Variants in CENPI observed in about 807,000 individuals in gnomAD.
CENPI encodes the protein FSH primary response 1.
A neutral mutation model predicts 60.4 loss-of-function variants in CENPI; 4 were observed. That is an observed-to-expected ratio of 0.07 (90% CI 0.03 to 0.15). CENPI has a LOEUF of 0.15. CENPI is among the 10% of genes least tolerant of loss of function. The probability of loss-of-function intolerance (pLI) is 1.00; values close to 1 mark genes in which losing one functional copy is unlikely to be tolerated. For synonymous variants in CENPI, 157 were observed against 189.4 expected (o/e 0.83, Z 1.40); for missense variants, 444 against 534.5 (o/e 0.83, Z 1.67).
downstream of CENPI, among the ~76,000 whole-genome samples, chrX:101,170,555 A>G (rs141516833): frequency 3.6e-4 from 40 of 112,382 alleles, no homozygotes; most frequent in East Asian, 0.011. Flanking sequence ...AAATGCAAAT[A>G]TATCCTATAT....
chrX:101,117,774 G>A (rs181201962), intron 6 of CENPI, among the ~76,000 whole-genome samples: 5 of 111,913 alleles, frequency 4.5e-5, no homozygotes, highest in East Asian at 5.6e-4. Flanking sequence ...TATTAAAGTC[G>A]TAAGTTCAAA....
In CENPI at chrX:101,104,263, T is replaced by C. The variant is rs186122534; in HGVS notation, c.364+1852T>C. ...TGCTAGGATTACAGGCGTGAGCCAG[T>C]GTGCCCAGCTAAGATGCTTTTTCTT... On this transcript the variant is annotated intron_variant, in intron 4 of 21. Transcript: ENST00000682095. Among the ~76,000 whole-genome samples the C allele has an allele frequency of 2.0e-3, 227 of 113,035 alleles. 1 individual carries two copies. Among genetic ancestry groups the C allele is most frequent in the African/African-American group, 6.9e-3 (217 of 31,234 alleles).
At chrX:101,105,960 A>G (rs1255783882) in intron 4 of CENPI, among the ~76,000 whole-genome samples, 2 of 109,891 alleles carry the variant, frequency 1.8e-5, no homozygotes, top group African/African-American at 6.6e-5. Flanking sequence ...CTTTTATTAT[A>G]GTTATTTCTG....
rs778357224 is a variant in CENPI, at chrX:101,127,127, C to A, written c.778-11C>A. The stretch of plus-strand genomic sequence containing the variant: ...TACCTACTCTCTTGTACTTTATATC[C>A]AAATTTATAGATATATTTTAAGAAT... On this transcript the variant is annotated splice_polypyrimidine_tract_variant and intron_variant, in intron 9 of 21. Transcript: ENST00000682095. The A allele has an allele frequency of 2.3e-5, 27 of 1,149,512 alleles. No homozygotes were observed. The South Asian group carries it at 5.8e-4, about 25-fold the overall frequency. The allele number at this position is 1,149,512 out of a possible 1,213,427, so 94.7% of individuals were successfully genotyped here. A position where few individuals can be genotyped will look rare whatever the true frequency, so the allele number is the denominator to read the frequency against.
chrX:101,123,376 A>G (rs914526633), intron 8 of CENPI, among the ~76,000 whole-genome samples: 1 of 110,897 alleles, frequency 9.0e-6, no homozygotes, highest in Non-Finnish European at 1.9e-5. Context: ...GCATTTTCCT[A>G]CATACACTAG....
chrX:101,177,264 G>T, the CENPI span, among the ~76,000 whole-genome samples: 14 of 111,596 alleles, frequency 1.3e-4, no homozygotes, highest in Non-Finnish European at 2.3e-4. Flanking sequence ...TGGTATTTAT[G>T]ATGGCTGTAA....
At chrX:101,162,244 G>A (rs2148268921) in intron 21 of CENPI, among the ~76,000 whole-genome samples, 1 of 108,916 alleles carries the variant, frequency 9.2e-6, no homozygotes, top group African/African-American at 3.3e-5. Flanking sequence ...CCGGAGGCCT[G>A]GAATTTGAGA....
the CENPI span, among the ~76,000 whole-genome samples, chrX:101,178,398 CTT>C: frequency 0.069 from 2,735 of 39,898 alleles, 185 homozygotes; most frequent in African/African-American, 0.21. Flanking sequence ...TTTTCTTCTT[CTT>C]TTTTTTTTTT....
intron 8 of CENPI, 94 bp downstream of exon 8, chrX:101,120,878 T>C (rs917056852): frequency 2.4e-4 from 69 of 285,101 alleles, no homozygotes; most frequent in African/African-American, 1.6e-3. Flanking sequence ...CTCTTGATCT[T>C]TTTTTTTTTT....
intron 4 of CENPI, among the ~76,000 whole-genome samples, chrX:101,107,835 A>ATTTT (rs35105469): frequency 2.3e-5 from 2 of 87,195 alleles, no homozygotes; most frequent in African/African-American, 4.4e-5. Flanking sequence ...CACTTGGCTA[A>ATTTT]TTTTTTTTTT....
intron 20 of CENPI, among the ~76,000 whole-genome samples, chrX:101,156,078 T>C (rs1025567524): frequency 1.8e-5 from 2 of 111,013 alleles, no homozygotes; most frequent in African/African-American, 6.6e-5. Flanking sequence ...AATGGCATGA[T>C]CTTGGCTCAC....
chrX:101,170,235 A>T (rs1462827660), downstream of CENPI, among the ~76,000 whole-genome samples: 1 of 112,067 alleles, frequency 8.9e-6, no homozygotes, highest in Non-Finnish European at 1.9e-5. Flanking sequence ...ACACAAATAC[A>T]TTGTGTTTCA....
intron 6 of CENPI, among the ~76,000 whole-genome samples, chrX:101,114,877 G>A (rs1380118730): frequency 9.0e-6 from 1 of 111,189 alleles, no homozygotes; most frequent in African/African-American, 3.3e-5. Context: ...CTGACCTCAG[G>A]TGATTCGCCT....
intron 6 of CENPI, among the ~76,000 whole-genome samples, chrX:101,112,940 T>C (rs2089571278): frequency 1.8e-5 from 2 of 110,587 alleles, no homozygotes; most frequent in Non-Finnish European, 3.8e-5. Flanking sequence ...TTCAGATATC[T>C]TATTTTGAGA....
intron 6 of CENPI, 65 bp downstream of exon 6, chrX:101,110,063 A>G (rs2089537137): frequency 3.3e-6 from 2 of 605,855 alleles, no homozygotes; most frequent in African/African-American, 4.4e-5. Flanking sequence ...TTGATGCACC[A>G]TATATGCTTC....
intron 11 of CENPI, among the ~76,000 whole-genome samples, chrX:101,128,450 A>G (rs1471634475): frequency 3.6e-5 from 4 of 111,520 alleles, no homozygotes; most frequent in Admixed American, 1.9e-4. Flanking sequence ...CTGAGCTGAG[A>G]TGGAGCAACT....
At chrX:101,166,401 G>A (rs1227313537), downstream of CENPI, among the ~76,000 whole-genome samples, 1 of 112,587 alleles carries the variant, frequency 8.9e-6, no homozygotes, top group Non-Finnish European at 1.9e-5. Flanking sequence ...GGATCCACCC[G>A]TCTCGGCCTC....
chrX:101,153,762 T>G (rs2090028571), intron 20 of CENPI, among the ~76,000 whole-genome samples: 2 of 112,324 alleles, frequency 1.8e-5, no homozygotes, highest in Non-Finnish European at 3.8e-5. Flanking sequence ...GGTTTTTAAT[T>G]TTGATGAAAT....
chrX:101,132,965 CT>C (rs1383150629), intron 15 of CENPI, among the ~76,000 whole-genome samples: 22 of 110,739 alleles, frequency 2.0e-4, no homozygotes, highest in Non-Finnish European at 1.9e-5. Context: ...TTGGAGTGGT[CT>C]CCAAGAAGAC....
Sources: allele counts gnomAD v4.1 joint callset (sites outside exome capture counted in the v4.1 genomes callset), GRCh38; gene constraint gnomAD v4.1.1; transcripts MANE v1.5; gene names NCBI Gene and HGNC (gene_info 2026-07-23, HGNC 2026-07-21).